The following TMEM108 variants were observed in gnomAD, a reference collection of about 807,000 sequenced individuals.
The protein encoded by TMEM108 is transmembrane protein 108.
TMEM108 carries 12 observed loss-of-function variants against 35.1 expected under a neutral mutation model. The observed-to-expected ratio is 0.34, with a 90% CI of 0.22 to 0.55. TMEM108 has a LOEUF of 0.55. Among genes scored for constraint, TMEM108 ranks in the 20% least tolerant of loss-of-function variants. The pLI, the probability that TMEM108 is intolerant of heterozygous loss-of-function variation, is 0.89. For missense variants in TMEM108, 680 were observed against 753.3 expected, an observed-to-expected ratio of 0.90 and a Z score of 1.14; for synonymous variants, 287 against 308.6, an observed-to-expected ratio of 0.93 and a Z score of 0.73.
At chr3:133,043,930 T>C (rs939384909) in intron 1 of TMEM108, among the ~76,000 whole-genome samples, 1 of 152,218 alleles carries the variant, frequency 6.6e-6, no homozygotes, top group Non-Finnish European at 1.5e-5. Flanking sequence ...TTTGTATGTA[T>C]TGGAAATAAA....
chr3:133,145,807 AC>A lies in TMEM108; in HGVS notation c.-46-83458del, dbSNP rs1440846514. On this transcript the variant is annotated intron_variant, in intron 2 of 5. Coordinates refer to ENST00000321871, the MANE Select transcript of TMEM108 (RefSeq NM_023943.4). ...ATAGGAATGCTTGTGATTTTTGCAC[AC>A]TGATTTTGTACCTTGAGACTTTGCT... Among the ~76,000 whole-genome samples the A allele has an allele frequency of 2.0e-5, 3 of 152,298 alleles. 1 individual carries two copies. Among genetic ancestry groups the A allele is most frequent in the Non-Finnish European group, 4.4e-5 (3 of 68,018 alleles).
intron 2 of TMEM108, among the ~76,000 whole-genome samples, chr3:133,130,175 T>G (rs1272139669): frequency 6.6e-6 from 1 of 152,194 alleles, no homozygotes; most frequent in African/African-American, 2.4e-5. Flanking sequence ...TGTTTGGGCT[T>G]GTGGTTCTGT....
chr3:133,039,849 A>G (rs1214852642), intron 1 of TMEM108, among the ~76,000 whole-genome samples: 1 of 152,108 alleles, frequency 6.6e-6, no homozygotes, highest in Non-Finnish European at 1.5e-5. Context: ...GTACAACAAC[A>G]TGTTTCTTTA....
chr3:133,312,817 G>A (rs1222373322), intron 3 of TMEM108, among the ~76,000 whole-genome samples: 8 of 152,154 alleles, frequency 5.3e-5, no homozygotes, highest in East Asian at 3.8e-4. Context: ...CATCGATCAC[G>A]CTGGGAGCTG....
chr3:133,083,280 G>C (rs1240747887), intron 2 of TMEM108, among the ~76,000 whole-genome samples: 1 of 150,984 alleles, frequency 6.6e-6, no homozygotes, highest in African/African-American at 2.4e-5. Flanking sequence ...GATGGCACTG[G>C]AAACTGTCCC....
rs181306497 is a variant in TMEM108 at position 133,070,652 on chromosome 3, G to A, written c.-47+24632G>A. ...CCAAGGACTCATTCTTTGTAACAAA[G>A]CAATGTCCCTGTCCTGGTAGGCGAC... is the stretch of plus-strand genomic sequence containing the variant. On this transcript the variant is annotated intron_variant, in intron 2 of 5. Transcript: ENST00000321871. Among the ~76,000 whole-genome samples, 5 of 152,156 alleles carry A rather than the reference G, an allele frequency of 3.3e-5. No individual in the cohort carries two copies. The East Asian group carries it at 9.6e-4, about 29-fold the overall frequency.
chr3:133,120,795 C>T (rs931764142), intron 2 of TMEM108: 1 of 152,100 alleles, frequency 6.6e-6, no homozygotes, highest in African/African-American at 2.4e-5. Flanking sequence ...ATAGATAGCA[C>T]AGATAGAGCA....
chr3:133,208,672 C>G (rs1404376777), intron 2 of TMEM108, among the ~76,000 whole-genome samples: 2 of 152,286 alleles, frequency 1.3e-5, no homozygotes, highest in East Asian at 3.9e-4. Context: ...ATTGGCCCAA[C>G]TCTTTCAGAA....
At chr3:133,083,360 T>C (rs1943840138) in intron 2 of TMEM108, among the ~76,000 whole-genome samples, 1 of 152,152 alleles carries the variant, frequency 6.6e-6, no homozygotes, top group Non-Finnish European at 1.5e-5. Flanking sequence ...ATAAATGGAT[T>C]GAGACAGATG....
At chr3:133,290,356 T>G (rs1380042517) in intron 3 of TMEM108, among the ~76,000 whole-genome samples, 1 of 152,074 alleles carries the variant, frequency 6.6e-6, no homozygotes, top group African/African-American at 2.4e-5. Context: ...TGCAGTGACT[T>G]ACGCCTGTAA....
chr3:133,235,018 T>C (rs997402287), intron 3 of TMEM108, among the ~76,000 whole-genome samples: 3 of 151,958 alleles, frequency 2.0e-5, no homozygotes, highest in African/African-American at 7.2e-5. Flanking sequence ...TCAAAGGGAA[T>C]AAAATACCTA....
At position 133,073,510 on chromosome 3, in the gene TMEM108, C is replaced by CTATATA. The variant is rs1183039173; in HGVS notation, c.-47+27510_-47+27515dup. 7.8e-3 allele frequency among the ~76,000 whole-genome samples: 343 copies of CTATATA among 43,850 alleles called. 11 individuals are homozygous for CTATATA. Among genetic ancestry groups the CTATATA allele is most frequent in the Middle Eastern group, 0.062 (4 of 64 alleles). The allele number at this position is 43,850 out of a possible 152,430, so 28.8% of individuals were successfully genotyped here. ...TCTCTCTCTCTCTCTCTCTCTCTCTCTATATATATATATATATATATATAT... is the reference window on the plus strand; with the variant it reads ...TCTCTCTCTCTCTCTCTCTCTCTCTCTATATATATATATATATATATATATATATAT... On this transcript the variant is annotated intron_variant, in intron 2 of 5. Coordinates refer to ENST00000321871, the MANE Select transcript of TMEM108 (RefSeq NM_023943.4).
intron 2 of TMEM108, among the ~76,000 whole-genome samples, chr3:133,153,682 G>GA (rs1274562923): frequency 4.6e-5 from 7 of 152,206 alleles, no homozygotes; most frequent in South Asian, 4.1e-4. Flanking sequence ...AGGGTTTTCA[G>GA]AAAAAATCTG....
At chr3:133,122,128 T>A (rs1365519299) in intron 2 of TMEM108, among the ~76,000 whole-genome samples, 1 of 152,168 alleles carries the variant, frequency 6.6e-6, no homozygotes, top group Non-Finnish European at 1.5e-5. Context: ...GGGCTTATGA[T>A]TTCTAATTTA....
In TMEM108 at chr3:133,150,865, A is replaced by G. The variant is rs543672813; in HGVS notation, c.-46-78401A>G. Among the ~76,000 whole-genome samples the G allele has an allele frequency of 2.0e-5, 3 of 152,264 alleles. No individual in the cohort carries two copies. The South Asian group carries it at 6.2e-4, about 32-fold the overall frequency. On this transcript the variant is annotated intron_variant, in intron 2 of 5. Coordinates refer to ENST00000321871, the MANE Select transcript of TMEM108 (RefSeq NM_023943.4). ...CCCACCTTCCTTTCCAAATACCTTTAATGCCTCCCCCATACTTTTAAGGAA... is the reference window on the plus strand; with the variant it reads ...CCCACCTTCCTTTCCAAATACCTTTGATGCCTCCCCCATACTTTTAAGGAA...
At chr3:133,161,037 C>T (rs975335979) in intron 2 of TMEM108, among the ~76,000 whole-genome samples, 2 of 152,110 alleles carry the variant, frequency 1.3e-5, no homozygotes, top group African/African-American at 2.4e-5. Flanking sequence ...TCTATCATAT[C>T]GGTTTCTTGC....
intron 3 of TMEM108, among the ~76,000 whole-genome samples, chr3:133,311,293 T>C (rs1324172084): frequency 6.6e-6 from 1 of 152,238 alleles, no homozygotes; most frequent in Admixed American, 6.5e-5. Context: ...CTGGATAATA[T>C]CCTGAAGAGT....
rs1183039173 is a variant in TMEM108, at chr3:133,073,510, CTATATA to C, written c.-47+27510_-47+27515del. Among the ~76,000 whole-genome samples, 280 of 43,910 alleles carry C rather than the reference CTATATA, an allele frequency of 6.4e-3. 5 individuals carry two copies. The highest frequency in any genetic ancestry group is 0.031 in the African/African-American group (260 of 8,430). The allele number at this position is 43,910 out of a possible 152,430, so 28.8% of individuals were successfully genotyped here. On this transcript the variant is annotated intron_variant, in intron 2 of 5. Transcript: ENST00000321871. ...TCTCTCTCTCTCTCTCTCTCTCTCT[CTATATA>C]TATATATATATATATATATCACATT...
intron 2 of TMEM108, among the ~76,000 whole-genome samples, chr3:133,197,969 T>G (rs1046029804): frequency 1.3e-5 from 2 of 152,230 alleles, no homozygotes; most frequent in Non-Finnish European, 2.9e-5. Flanking sequence ...TGGCTTCTCC[T>G]TCTCTTTCAT....
Sources: allele counts gnomAD v4.1 joint callset (sites outside exome capture counted in the v4.1 genomes callset), GRCh38; gene constraint gnomAD v4.1.1; transcripts MANE v1.5; gene names NCBI Gene and HGNC (gene_info 2026-07-23, HGNC 2026-07-21).